The following CYP2E1 variants were observed in gnomAD, a reference collection of about 807,000 sequenced individuals.
CYP2E1 encodes the protein cytochrome P450 family 2 subfamily E member 1, also known as cytochrome P450 2E1.
CYP2E1 carries 31 observed loss-of-function variants against 42.9 expected under a neutral mutation model. The ratio of observed to expected loss-of-function variants is 0.72; its 90% CI spans 0.54 to 0.98. The LOEUF (loss-of-function observed/expected upper bound fraction) is 0.98. Among genes scored for constraint, CYP2E1 ranks in the 50% least tolerant of loss-of-function variants. The pLI is 0.00. For synonymous variants in CYP2E1, 244 were observed against 248.9 expected (o/e 0.98, Z 0.19); for missense variants, 565 against 633.2 (o/e 0.89, Z 1.16).
intron 2 of CYP2E1, among the ~76,000 whole-genome samples, chr10:133,528,851 G>C (rs1851304752): frequency 6.6e-6 from 1 of 152,244 alleles, no homozygotes; most frequent in Non-Finnish European, 1.5e-5. Context: ...CCGGCCTCTC[G>C]GCGACTGTGC....
Position 133,531,745 on chromosome 10 carries a change from G to T in CYP2E1, c.487+11G>T, listed in dbSNP as rs762840012. 22 of 1,576,800 alleles carry T rather than the reference G, an allele frequency of 1.4e-5. No individual in the cohort carries two copies. The South Asian group carries it at 2.7e-4, about 19-fold the overall frequency. Reference sequence around the variant, plus strand: ...TCAGGAAGACCCAAGGTGCGTATCTGCTGCCTAGCAGGGCCCAGTCCTCTT... The same window carrying T: ...TCAGGAAGACCCAAGGTGCGTATCTTCTGCCTAGCAGGGCCCAGTCCTCTT... On this transcript the variant is annotated intron_variant, in intron 3 of 8. Coordinates refer to ENST00000252945, the MANE Select transcript of CYP2E1 (RefSeq NM_000773.4).
rs1040185359 is a variant in CYP2E1 at position 133,539,022 on chromosome 10, G to A, written c.*58G>A. ...CAAACAAGTTTTCAAATTGTTTGAG[G>A]TCAGGATTTCTCAAACTGATTCCTT... On this transcript the variant is annotated 3_prime_UTR_variant, in exon 9 of 9. Transcript: ENST00000252945. 2.7e-5 allele frequency: 38 copies of A among 1,417,346 alleles called. No homozygotes were observed. The highest frequency in any genetic ancestry group is 3.4e-5 in the Non-Finnish European group (36 of 1,048,462). 87.8% of individuals were successfully genotyped at this position (1,417,346 alleles called of 1,614,324 possible). A position where few individuals can be genotyped will look rare whatever the true frequency, so the allele number is the denominator to read the frequency against.
intron 2 of CYP2E1, among the ~76,000 whole-genome samples, chr10:133,528,957 G>C (rs1458654690): frequency 6.6e-6 from 1 of 152,158 alleles, no homozygotes; most frequent in Non-Finnish European, 1.5e-5. Context: ...CTCCTCCCGG[G>C]AGCGCTTTCC....
intron 2 of CYP2E1, among the ~76,000 whole-genome samples, chr10:133,529,255 C>T (rs934496337): frequency 6.6e-6 from 1 of 152,234 alleles, no homozygotes; most frequent in Non-Finnish European, 1.5e-5. Context: ...CGGCCTGTTC[C>T]CTCTCTAGGG....
At chr10:133,537,717 C>A (rs1478662065) in intron 7 of CYP2E1, 34 bp from the exon 8 acceptor site, 1 of 1,591,418 alleles carries the variant, frequency 6.3e-7, no homozygotes, top group East Asian at 2.2e-5. Context: ...ATTTTGTTAA[C>A]ATGACTCACT....
intron 6 of CYP2E1, among the ~76,000 whole-genome samples, chr10:133,534,854 CTTTT>C (rs746677040): frequency 1.5e-5 from 2 of 129,392 alleles, no homozygotes; most frequent in Non-Finnish European, 3.3e-5. Context: ...TCTTCTTCTT[CTTTT>C]TATTTATTTA....
intron 5 of CYP2E1, among the ~76,000 whole-genome samples, chr10:133,533,203 T>C (rs918635625): frequency 1.3e-5 from 2 of 152,186 alleles, no homozygotes; most frequent in African/African-American, 4.8e-5. Context: ...ACTCCCCAAC[T>C]GTGCGCAGCT....
At chr10:133,537,614 C>A in intron 7 of CYP2E1, 137 bp from the exon 8 acceptor site, 1 of 746,406 alleles carries the variant, frequency 1.3e-6, no homozygotes, top group Non-Finnish European at 2.2e-6. Context: ...TAATCCTTCA[C>A]TAAGCAACTC....
intron 1 of CYP2E1, chr10:133,527,996 A>G (rs1341790937): frequency 4.6e-6 from 1 of 217,734 alleles, no homozygotes; most frequent in Non-Finnish European, 9.1e-6. Flanking sequence ...GGGCCAACAA[A>G]CCTAAACGTT....
At chr10:133,538,440 C>T (rs1230712593) in intron 8 of CYP2E1, among the ~76,000 whole-genome samples, 1 of 152,170 alleles carries the variant, frequency 6.6e-6, no homozygotes, top group Non-Finnish European at 1.5e-5. Context: ...CAGCTTCTAA[C>T]AGGGCACTAT....
chr10:133,536,799 G>A (rs1453613651), intron 6 of CYP2E1, among the ~76,000 whole-genome samples: 6 of 135,308 alleles, frequency 4.4e-5, no homozygotes, highest in Non-Finnish European at 8.0e-5. Context: ...ATGGGAGGGT[G>A]GATGGATGGG....
intron 3 of CYP2E1, 100 bp from the exon 4 acceptor site, chr10:133,532,024 C>A: frequency 8.8e-7 from 1 of 1,130,952 alleles, no homozygotes; most frequent in Non-Finnish European, 1.3e-6. Context: ...GTTTTCAGGG[C>A]ACCTTCTCAC....
chr10:133,533,990 G>T, intron 6 of CYP2E1, 93 bp downstream of exon 6: 2 of 1,380,762 alleles, frequency 1.4e-6, no homozygotes, highest in Non-Finnish European at 2.0e-6. Flanking sequence ...TCTGTCTGAA[G>T]CTGCTTGTTA....
At chr10:133,531,801 G>C (rs1851341236) in intron 3 of CYP2E1, 67 bp downstream of exon 3, 8 of 1,489,826 alleles carry the variant, frequency 5.4e-6, no homozygotes, top group Non-Finnish European at 7.2e-6. Context: ...GCCCTGGCTG[G>C]GACTCCTAGA....
At position 133,532,132 on chromosome 10, in the gene CYP2E1, T is replaced by A. The variant is rs1244383308; in HGVS notation, c.496T>A (p.Phe166Ile). ...EALRKTQGQP[F>I]DPTFLIGCAP... ...GACTGCCTGTTTTGTAGGCCAGCCT[T>A]TCGACCCCACCTTCCTCATCGGCTG... Residue 166 changes from phenylalanine to isoleucine, a missense_variant, in exon 4 of 9, where the codon TTC (phenylalanine) becomes ATC (isoleucine). By Grantham distance (21) the Phe-to-Ile change is conservative. Transcript: ENST00000252945. 6.2e-7 allele frequency: 1 copy of A among 1,613,502 alleles called. No individual in the cohort carries two copies. Among genetic ancestry groups the A allele is most frequent in the Admixed American group, 1.7e-5 (1 of 60,012 alleles).
intron 2 of CYP2E1, among the ~76,000 whole-genome samples, chr10:133,529,564 C>T (rs980451818): frequency 6.6e-6 from 1 of 152,266 alleles, no homozygotes; most frequent in African/African-American, 2.4e-5. Context: ...TGAGCTCGTG[C>T]TCTTGCCCTA....
In CYP2E1 at chr10:133,532,681, T is replaced by C. The variant is rs2133596463; in HGVS notation, c.649-11T>C. The C allele has an allele frequency of 1.9e-6, 3 of 1,564,698 alleles. No homozygotes were observed. Among genetic ancestry groups the C allele is most frequent in the Non-Finnish European group, 2.6e-6 (3 of 1,159,380 alleles). ...AGAAAAAAGTAGTAAAATATTTTTTTCCCTCTCTAGCTTTACAATAATTTT... is the reference window on the plus strand; with the variant it reads ...AGAAAAAAGTAGTAAAATATTTTTTCCCCTCTCTAGCTTTACAATAATTTT... On this transcript the variant is annotated splice_polypyrimidine_tract_variant and intron_variant, in intron 4 of 8. Transcript: ENST00000252945.
At position 133,538,674 on chromosome 10, in the gene CYP2E1, C is replaced by G. The variant is rs577398124; in HGVS notation, c.1298-106C>G. Reference sequence around the variant, plus strand: ...AGGGTGAGTCCTGCCTTGTGATGGCCGTTTGCCCACAGCCTCCTCCTCCCC... The same window carrying G: ...AGGGTGAGTCCTGCCTTGTGATGGCGGTTTGCCCACAGCCTCCTCCTCCCC... On this transcript the variant is annotated intron_variant, in intron 8 of 8. Coordinates refer to ENST00000252945, the MANE Select transcript of CYP2E1 (RefSeq NM_000773.4). The G allele has an allele frequency of 4.1e-6, 4 of 971,720 alleles. No individual in the cohort carries two copies. The Admixed American group carries it at 8.0e-5, about 19-fold the overall frequency. 60.2% of individuals were successfully genotyped at this position (971,720 alleles called of 1,614,324 possible).
rs199855848 is a variant in CYP2E1, at chr10:133,538,817, G to C, written c.1335G>C (p.Met445Ile). The C allele has an allele frequency of 6.2e-7, 1 of 1,614,076 alleles. No individual in the cohort carries two copies. The highest frequency in any genetic ancestry group is 1.3e-5 in the African/African-American group (1 of 75,018). ...GTGCTGGAGAAGGCCTGGCTCGCAT[G>C]GAGTTGTTTCTTTTGTTGTGTGCCA... is the stretch of plus-strand genomic sequence containing the variant. ...RVCAGEGLAR[M>I]ELFLLLCAIL... The change falls in exon 9 of 9, where the codon ATG (methionine) becomes ATC (isoleucine). Residue 445 changes from methionine (M) to isoleucine (I), a missense_variant. Coordinates refer to ENST00000252945, the MANE Select transcript of CYP2E1 (RefSeq NM_000773.4).
Sources: allele counts gnomAD v4.1 joint callset (sites outside exome capture counted in the v4.1 genomes callset), GRCh38; gene constraint gnomAD v4.1.1; transcripts MANE v1.5; gene names NCBI Gene and HGNC (gene_info 2026-07-23, HGNC 2026-07-21).